The following ARB2A variants were observed in gnomAD, a reference collection of about 807,000 sequenced individuals.
ARB2A encodes the protein cotranscriptional regulator ARB2A.
chr5:94,052,220 C>T, the ARB2A span, among the ~76,000 whole-genome samples: 1 of 152,118 alleles, frequency 6.6e-6, no homozygotes, highest in Non-Finnish European at 1.5e-5. Flanking sequence ...GGGGTATTCC[C>T]GGGGTAATCA....
chr5:93,944,307 A>G, the ARB2A span, among the ~76,000 whole-genome samples: 4 of 152,304 alleles, frequency 2.6e-5, no homozygotes, highest in African/African-American at 9.6e-5. Context: ...CATTGAAGAA[A>G]AAGAAAAGCC....
chr5:93,694,302 C>T, the ARB2A span, among the ~76,000 whole-genome samples: 28 of 152,226 alleles, frequency 1.8e-4, 1 homozygote, highest in East Asian at 3.7e-3. Flanking sequence ...TCGTTTCAGC[C>T]CCGAATCCCC....
At chr5:93,926,133 C>CTT in the ARB2A span, among the ~76,000 whole-genome samples, 2,749 of 144,518 alleles carry the variant, frequency 0.019, 42 homozygotes, top group Non-Finnish European at 0.028. Flanking sequence ...ATTTCCAATT[C>CTT]TTTTTTTTTT....
chr5:93,870,249 T>C, the ARB2A span, among the ~76,000 whole-genome samples: 1 of 152,048 alleles, frequency 6.6e-6, no homozygotes, highest in Non-Finnish European at 1.5e-5. Context: ...ACTGTTGGAG[T>C]AGTGTATATA....
the ARB2A span, among the ~76,000 whole-genome samples, chr5:93,926,350 C>A: frequency 6.6e-6 from 1 of 151,912 alleles, no homozygotes; most frequent in East Asian, 1.9e-4. Context: ...TCAGGCTGGT[C>A]TCGAACTCCT....
chr5:94,044,594 C>T, the ARB2A span, among the ~76,000 whole-genome samples: 1 of 152,066 alleles, frequency 6.6e-6, no homozygotes, highest in Non-Finnish European at 1.5e-5. Flanking sequence ...GGCGTTTGAA[C>T]CAGAGCAACT....
the ARB2A span, among the ~76,000 whole-genome samples, chr5:94,083,823 TAA>T: frequency 1.5e-5 from 2 of 132,806 alleles, no homozygotes; most frequent in Admixed American, 7.5e-5. Context: ...CAAGGTCCTC[TAA>T]AAAAAAAAAA....
chr5:93,627,447 T>TTG, the ARB2A span, among the ~76,000 whole-genome samples: 17 of 148,512 alleles, frequency 1.1e-4, no homozygotes, highest in African/African-American at 4.3e-4. Context: ...TGTTTTGTTT[T>TTG]TTTTTTTTTT....
chr5:93,741,567 T>A, the ARB2A span: 2 of 1,535,334 alleles, frequency 1.3e-6, no homozygotes, highest in South Asian at 2.5e-5. Context: ...CGGCCATGGG[T>A]GGAATGGCAC....
At chr5:93,985,507 T>TCA in the ARB2A span, among the ~76,000 whole-genome samples, 2 of 152,078 alleles carry the variant, frequency 1.3e-5, no homozygotes, top group African/African-American at 2.4e-5. Flanking sequence ...CGATCTCCAC[T>TCA]CACTGCAACC....
the ARB2A span, among the ~76,000 whole-genome samples, chr5:93,883,705 G>C: frequency 1.3e-4 from 20 of 151,480 alleles, no homozygotes; most frequent in Admixed American, 1.1e-3. Flanking sequence ...GTAAGTTAAA[G>C]AACACTGTTG....
At chr5:94,062,740 G>A in the ARB2A span, among the ~76,000 whole-genome samples, 1 of 152,184 alleles carries the variant, frequency 6.6e-6, no homozygotes, top group Non-Finnish European at 1.5e-5. Context: ...CTATAGAGCT[G>A]CATTCTGTCC....
chr5:93,620,101 T>A, the ARB2A span: 1 of 152,220 alleles, frequency 6.6e-6, no homozygotes, highest in South Asian at 2.1e-4. Flanking sequence ...GTGTTATATC[T>A]AAATTACAAT....
chr5:93,817,431 T>C, the ARB2A span, among the ~76,000 whole-genome samples: 1 of 152,162 alleles, frequency 6.6e-6, no homozygotes, highest in Non-Finnish European at 1.5e-5. Context: ...TCAATCCCAA[T>C]ACAAATCTCT....
the ARB2A span, among the ~76,000 whole-genome samples, chr5:94,097,844 C>A: frequency 6.6e-6 from 1 of 151,532 alleles, no homozygotes; most frequent in Non-Finnish European, 1.5e-5. Flanking sequence ...GCCCTCCCCC[C>A]CACCACCCCA....
the ARB2A span, among the ~76,000 whole-genome samples, chr5:93,790,968 CAAT>C: frequency 6.6e-6 from 1 of 152,106 alleles, no homozygotes; most frequent in Non-Finnish European, 1.5e-5. Context: ...TGTAAGAAAT[CAAT>C]AATGTCAGCT....
chr5:93,775,034 A>G, the ARB2A span, among the ~76,000 whole-genome samples: 1 of 152,112 alleles, frequency 6.6e-6, no homozygotes. Flanking sequence ...GTGCATGAGT[A>G]TATGTGTGTA....
the ARB2A span, among the ~76,000 whole-genome samples, chr5:93,682,664 A>G: frequency 2.0e-5 from 3 of 152,176 alleles, no homozygotes; most frequent in Non-Finnish European, 4.4e-5. Flanking sequence ...GATCTTTAAA[A>G]ACTAAACAGG....
At chr5:93,885,872 T>C in the ARB2A span, among the ~76,000 whole-genome samples, 2 of 151,822 alleles carry the variant, frequency 1.3e-5, no homozygotes, top group South Asian at 2.1e-4. Flanking sequence ...CTTCTTTACT[T>C]TGAAGTCTGT....
Sources: gnomAD v4.1 joint callset for allele counts (sites outside exome capture counted in the v4.1 genomes callset) on GRCh38, gnomAD v4.1.1 for gene constraint, MANE v1.5 for transcripts, NCBI Gene and HGNC (gene_info 2026-07-23, HGNC 2026-07-21) for gene names.